Variants in SKIDA1 observed in about 807,000 individuals in gnomAD.
The protein encoded by SKIDA1 is SKI/DACH domain-containing protein 1.
SKIDA1 carries 18 observed loss-of-function variants against 51.4 expected under a neutral mutation model. That is an observed-to-expected ratio of 0.35 (90% CI 0.24 to 0.52). The LOEUF is 0.52. Ranked by LOEUF, SKIDA1 falls within the 20% of genes least tolerant of loss-of-function variation. SKIDA1 has a pLI of 0.95. For missense variants in SKIDA1, 1,104 were observed against 1,180.6 expected (o/e 0.94, Z 0.95); for synonymous variants, 579 against 500.5 (o/e 1.16, Z -2.09).
At position 21,514,415 on chromosome 10, in the gene SKIDA1, C is replaced by A. The variant is rs2032130296; in HGVS notation, c.*681G>T. The A allele has an allele frequency of 6.6e-6, 1 of 151,382 alleles. No homozygotes were observed. Among genetic ancestry groups the A allele is most frequent in the South Asian group, 2.1e-4 (1 of 4,790 alleles). The allele number at this position is 151,382 out of a possible 1,614,324, so 9.4% of individuals were successfully genotyped here. On this transcript the variant is annotated 3_prime_UTR_variant, in exon 4 of 4. Coordinates refer to ENST00000449193, the MANE Select transcript of SKIDA1 (RefSeq NM_207371.4). ...CACCCTTTACAAAAAAAATACAATT[C>A]CGTATTTATTTTACTCAGTATGTAT...
intron 3 of SKIDA1, among the ~76,000 whole-genome samples, chr10:21,520,819 C>G (rs553100960): frequency 6.6e-6 from 1 of 151,664 alleles, no homozygotes; most frequent in Non-Finnish European, 1.5e-5. Flanking sequence ...TAACTAAGGG[C>G]ATAATCTGTT....
In SKIDA1 at chr10:21,515,517, C is replaced by G; in HGVS notation, c.2306G>C (p.Gly769Ala). The change falls in exon 4 of 4, where the codon GGG (glycine) becomes GCG (alanine). Residue 769 changes from glycine to alanine, a missense_variant. Gly to Ala is a moderately conservative substitution (Grantham distance 60). This residue lies in a region of SKIDA1 where 938 missense variants were observed against 886.4 expected (regional missense o/e 1.06). Coordinates refer to ENST00000449193, the MANE Select transcript of SKIDA1 (RefSeq NM_207371.4). The part of the protein sequence containing the change: ...CTLGSPKPED[G>A]EYKFGARVRK... ...CACCCTGGCACCAAATTTATATTCC[C>G]CATCCTCAGGTTTTGGAGAACCTAA... is the stretch of plus-strand genomic sequence containing the variant. 6.2e-7 allele frequency: 1 copy of G among 1,614,016 alleles called. No individual in the cohort carries two copies. Among genetic ancestry groups the G allele is most frequent in the Non-Finnish European group, 8.5e-7 (1 of 1,179,896 alleles).
At position 21,514,587 on chromosome 10, in the gene SKIDA1, A is replaced by G. The variant is rs2032136078; in HGVS notation, c.*509T>C. On this transcript the variant is annotated 3_prime_UTR_variant, in exon 4 of 4. Transcript: ENST00000449193. ...TACCCCACAAACAAGAGCTCCAGAA[A>G]ATAACATTTTGGGCTCACAGAAACT... is the stretch of plus-strand genomic sequence containing the variant. 1 of 152,648 alleles carries G rather than the reference A, an allele frequency of 6.6e-6. No individual in the cohort carries two copies. 9.5% of individuals were successfully genotyped at this position (152,648 alleles called of 1,614,324 possible). A position where few individuals can be genotyped will look rare whatever the true frequency, so the allele number is the denominator to read the frequency against.
chr10:21,518,780 G>C lies in SKIDA1; in HGVS notation c.-958C>G, dbSNP rs933568066. 1 of 166,452 alleles carries C rather than the reference G, an allele frequency of 6.0e-6. No homozygotes were observed. Among genetic ancestry groups the C allele is most frequent in the Non-Finnish European group, 1.5e-5 (1 of 68,054 alleles). 10.3% of individuals were successfully genotyped at this position (166,452 alleles called of 1,614,324 possible). On this transcript the variant is annotated 5_prime_UTR_variant, in exon 4 of 4. Transcript: ENST00000449193. ...GAGTGGGGAAGGAGACCGGCTGGGA[G>C]CTCCAAAGTTAAACCCGCCCCGTGA...
In SKIDA1 at chr10:21,518,525, TGTAC is replaced by T. The variant is rs2032307138; in HGVS notation, c.-707_-704del. 1 of 156,680 alleles carries T rather than the reference TGTAC, an allele frequency of 6.4e-6. No homozygotes were observed. Among genetic ancestry groups the T allele is most frequent in the Non-Finnish European group, 1.5e-5 (1 of 65,480 alleles). The allele number at this position is 156,680 out of a possible 1,614,324, so 9.7% of individuals were successfully genotyped here. On this transcript the variant is annotated 5_prime_UTR_variant, in exon 4 of 4. An upstream open reading frame in the 5' UTR gains an earlier in-frame stop. Transcript: ENST00000449193. The stretch of plus-strand genomic sequence containing the variant: ...CACAGACTTCATCAGAAGCAGTGTG[TGTAC>T]GCTTAAGGGAGAAAAAAAAAAAAAC...
intron 1 of SKIDA1, among the ~76,000 whole-genome samples, chr10:21,524,303 A>G (rs921717074): frequency 6.6e-6 from 1 of 152,188 alleles, no homozygotes; most frequent in African/African-American, 2.4e-5. Context: ...CATTCCGTTA[A>G]ATGCCGATAC....
Position 21,517,666 on chromosome 10 carries a change from T to G in SKIDA1, c.157A>C (p.Lys53Gln). Residue 53 changes from lysine (K) to glutamine (Q), a missense_variant, in exon 4 of 4, where the codon AAA (lysine) becomes CAA (glutamine). This residue lies in a region of SKIDA1 where 54 missense variants were observed against 126.0 expected (regional missense o/e 0.43). Transcript: ENST00000449193. This position sits in a 1 kb window ranked among gnomAD's most constrained non-coding sequence, Gnocchi z 6.9. ...TTVHKRMDHL[K>Q]VKKHHCDLEE... The stretch of plus-strand genomic sequence containing the variant: ...AGATCGCAGTGGTGCTTCTTCACTT[T>G]CAGATGATCCATGCGCTTGTGCACG... 1 of 1,614,032 alleles carries G rather than the reference T, an allele frequency of 6.2e-7. No homozygotes were observed. Among genetic ancestry groups the G allele is most frequent in the South Asian group, 1.1e-5 (1 of 91,078 alleles).
At position 21,523,832 on chromosome 10, in the gene SKIDA1, G is replaced by A. The variant is rs1185393056; in HGVS notation, c.-2078C>T. On this transcript the variant is annotated 5_prime_UTR_variant, in exon 2 of 4. Coordinates refer to ENST00000449193, the MANE Select transcript of SKIDA1 (RefSeq NM_207371.4). The stretch of plus-strand genomic sequence containing the variant: ...AGCCCAAATCCTTCTGGGAGCACTG[G>A]AGCCAATCACTGTCTTTCACTGCTG... 6.6e-6 allele frequency: 1 copy of A among 151,364 alleles called. No homozygotes were observed. The highest frequency in any genetic ancestry group is 1.9e-4 in the East Asian group (1 of 5,162). The allele number at this position is 151,364 out of a possible 1,614,324, so 9.4% of individuals were successfully genotyped here. A position where few individuals can be genotyped will look rare whatever the true frequency, so the allele number is the denominator to read the frequency against.
At position 21,514,033 on chromosome 10, in the gene SKIDA1, G is replaced by A. The variant is rs2032111069; in HGVS notation, c.*1063C>T. On this transcript the variant is annotated 3_prime_UTR_variant, in exon 4 of 4. Coordinates refer to ENST00000449193, the MANE Select transcript of SKIDA1 (RefSeq NM_207371.4). ...AGTTCGGGACCAGCCTGGTCAACAT[G>A]GTGAAACCCCGTCTCTACTAAAAAT... The A allele has an allele frequency of 6.6e-6, 1 of 151,740 alleles. No individual in the cohort carries two copies. The highest frequency in any genetic ancestry group is 1.5e-5 in the Non-Finnish European group (1 of 67,976). 9.4% of individuals were successfully genotyped at this position (151,740 alleles called of 1,614,324 possible). A position where few individuals can be genotyped will look rare whatever the true frequency, so the allele number is the denominator to read the frequency against.
chr10:21,517,907 A>G lies in SKIDA1; in HGVS notation c.-85T>C. ...CATGTATGTATGTTAATCCTCAGCC[A>G]GATGCTGCGTGTGTCTCAAGGCATC... On this transcript the variant is annotated 5_prime_UTR_variant, in exon 4 of 4. Transcript: ENST00000449193. The surrounding 1 kb of genome is among the most constrained non-coding windows in gnomAD (Gnocchi z 6.9). 1.6e-6 allele frequency: 2 copies of G among 1,232,146 alleles called. No homozygotes were observed. The highest frequency in any genetic ancestry group is 2.2e-6 in the Non-Finnish European group (2 of 910,848). 76.3% of individuals were successfully genotyped at this position (1,232,146 alleles called of 1,614,324 possible).
chr10:21,525,239 A>T (rs2032659891), intron 1 of SKIDA1, among the ~76,000 whole-genome samples: 3 of 152,224 alleles, frequency 2.0e-5, no homozygotes, highest in Admixed American at 6.5e-5. Flanking sequence ...AAGAATTTTT[A>T]AAAAGGAAAG....
chr10:21,515,721 T>A lies in SKIDA1; in HGVS notation c.2102A>T (p.His701Leu). 2 of 1,614,060 alleles carry A rather than the reference T, an allele frequency of 1.2e-6. No homozygotes were observed. The highest frequency in any genetic ancestry group is 1.1e-5 in the South Asian group (1 of 91,088). The change falls in exon 4 of 4, where the codon CAC becomes CTC. Residue 701 changes from histidine to leucine, a missense_variant. Physicochemically the swap from His to Leu is moderately conservative, Grantham distance 99. Transcript: ENST00000449193. ...DSSANEEYEP[H>L]LFTNKLKCEC... The stretch of plus-strand genomic sequence containing the variant: ...GCACTTTAGCTTATTTGTAAAAAGG[T>A]GAGGTTCATATTCTTCATTAGCACT...
Position 21,513,801 on chromosome 10 carries a change from A to C in SKIDA1, c.*1295T>G, listed in dbSNP as rs2032104524. 1.3e-5 allele frequency: 2 copies of C among 152,268 alleles called. No individual in the cohort carries two copies. Among genetic ancestry groups the C allele is most frequent in the African/African-American group, 4.8e-5 (2 of 41,444 alleles). 9.4% of individuals were successfully genotyped at this position (152,268 alleles called of 1,614,324 possible). On this transcript the variant is annotated 3_prime_UTR_variant, in exon 4 of 4. Transcript: ENST00000449193. ...TGAGTTCTGGTACCAAAAAGCCCTG[A>C]AAAAACTGTTATTTTTCATTTGGGG... is the stretch of plus-strand genomic sequence containing the variant.
At position 21,513,953 on chromosome 10, in the gene SKIDA1, A is replaced by C. The variant is rs2032108680; in HGVS notation, c.*1143T>G. ...TTTCAGCCCGGGCATGGTGGATCAC[A>C]CCTTTAATCCCAGCACTTTGGGAGG... On this transcript the variant is annotated 3_prime_UTR_variant, in exon 4 of 4. Transcript: ENST00000449193. The C allele has an allele frequency of 6.6e-6, 1 of 152,102 alleles. No individual in the cohort carries two copies. The highest frequency in any genetic ancestry group is 6.6e-5 in the Admixed American group (1 of 15,264). 9.4% of individuals were successfully genotyped at this position (152,102 alleles called of 1,614,324 possible).
Position 21,516,912 on chromosome 10 carries a change from G to A in SKIDA1, c.911C>T (p.Ala304Val). ...LLPRSYKAKAAAAAAAAAAAA... is the reference protein window; with the variant it reads ...LLPRSYKAKAVAAAAAAAAAA... ...CGCTGCCGCCGCCGCCGCCGCCGCC[G>A]CCGCCTTGGCTTTGTAGGACCTGGG... Residue 304 changes from alanine (A) to valine (V), a missense_variant, in exon 4 of 4, where the codon GCG (alanine) becomes GTG (valine). Ala to Val is a moderately conservative substitution (Grantham distance 64). Transcript: ENST00000449193. This position sits in a 1 kb window ranked among gnomAD's most constrained non-coding sequence, Gnocchi z 5.7. 5 of 1,134,936 alleles carry A rather than the reference G, an allele frequency of 4.4e-6. No homozygotes were observed. Among genetic ancestry groups the A allele is most frequent in the Non-Finnish European group, 2.1e-6 (2 of 931,806 alleles). 70.3% of individuals were successfully genotyped at this position (1,134,936 alleles called of 1,614,324 possible). A position where few individuals can be genotyped will look rare whatever the true frequency, so the allele number is the denominator to read the frequency against.
Position 21,514,843 on chromosome 10 carries a change from T to C in SKIDA1, c.*253A>G, listed in dbSNP as rs1326130385. On this transcript the variant is annotated 3_prime_UTR_variant, in exon 4 of 4. Coordinates refer to ENST00000449193, the MANE Select transcript of SKIDA1 (RefSeq NM_207371.4). ...CAGCTCTACCGTAATAACTGAGTTT[T>C]ACTTGAGTCTTTAGCCTGAAGTAGT... 5 of 395,916 alleles carry C rather than the reference T, an allele frequency of 1.3e-5. No individual in the cohort carries two copies. The highest frequency in any genetic ancestry group is 5.1e-5 in the South Asian group (1 of 19,438). 24.5% of individuals were successfully genotyped at this position (395,916 alleles called of 1,614,324 possible). A position where few individuals can be genotyped will look rare whatever the true frequency, so the allele number is the denominator to read the frequency against.
In SKIDA1 at chr10:21,516,845, A is replaced by G; in HGVS notation, c.978T>C (p.Phe326=). The G allele has an allele frequency of 6.5e-7, 1 of 1,537,528 alleles. No homozygotes were observed. The highest frequency in any genetic ancestry group is 8.7e-7 in the Non-Finnish European group (1 of 1,143,488). ...AAAGATCLER[F]HLVNGFCPPP... Reference sequence around the variant, plus strand: ...GCGGGCAGAAGCCGTTGACCAGATGAAACCTCTCCAGGCAAGTGGCCCCCG... The same window carrying G: ...GCGGGCAGAAGCCGTTGACCAGATGGAACCTCTCCAGGCAAGTGGCCCCCG... Residue 326 remains phenylalanine, a synonymous_variant, in exon 4 of 4, where the codon TTT becomes TTC. Coordinates refer to ENST00000449193, the MANE Select transcript of SKIDA1 (RefSeq NM_207371.4). The surrounding 1 kb of genome is among the most constrained non-coding windows in gnomAD (Gnocchi z 5.7).
At chr10:21,520,197 G>A (rs2032352378) in intron 3 of SKIDA1, among the ~76,000 whole-genome samples, 1 of 152,186 alleles carries the variant, frequency 6.6e-6, no homozygotes. Flanking sequence ...GTAACCGAGA[G>A]GCAGCAATGA....
chr10:21,514,075 CAT>C lies in SKIDA1; in HGVS notation c.*1019_*1020del, dbSNP rs1462762329. ...ACTAAAAATACAAAAATTAGCCGGA[CAT>C]GGTGGCACGCGCCCGTAATCCCAGC... is the stretch of plus-strand genomic sequence containing the variant. On this transcript the variant is annotated 3_prime_UTR_variant, in exon 4 of 4. Coordinates refer to ENST00000449193, the MANE Select transcript of SKIDA1 (RefSeq NM_207371.4). The C allele has an allele frequency of 6.6e-6, 1 of 151,960 alleles. No homozygotes were observed. The highest frequency in any genetic ancestry group is 2.4e-5 in the African/African-American group (1 of 41,330). 9.4% of individuals were successfully genotyped at this position (151,960 alleles called of 1,614,324 possible).
Sources: allele counts gnomAD v4.1 joint callset (sites outside exome capture counted in the v4.1 genomes callset), GRCh38; gene constraint gnomAD v4.1.1; regional missense constraint gnomAD v4.1.1; non-coding constraint Gnocchi (gnomAD v3.1); transcripts MANE v1.5; gene names NCBI Gene and HGNC (gene_info 2026-07-23, HGNC 2026-07-21).